Variants in LMBR1L observed in about 807,000 individuals in gnomAD.
LMBR1L encodes the protein protein LMBR1L.
A neutral mutation model predicts 67.3 loss-of-function variants in LMBR1L; 47 were observed. The ratio of observed to expected loss-of-function variants is 0.70; its 90% CI spans 0.55 to 0.89. The LOEUF is 0.89. LMBR1L is among the 40% of genes least tolerant of loss of function. The pLI, the probability that LMBR1L is intolerant of heterozygous loss-of-function variation, is 0.00. For synonymous variants in LMBR1L, 247 were observed against 250.3 expected, an observed-to-expected ratio of 0.99 and a Z score of 0.13; for missense variants, 533 against 599.2, an observed-to-expected ratio of 0.89 and a Z score of 1.15.
chr12:49,105,433 A>C (rs1940772523), intron 3 of LMBR1L, among the ~76,000 whole-genome samples: 1 of 152,320 alleles, frequency 6.6e-6, no homozygotes, highest in East Asian at 1.9e-4. Flanking sequence ...TGGTCCATCA[A>C]GGGTGGAGGG....
intron 5 of LMBR1L, chr12:49,104,019 C>CT: frequency 1.8e-6 from 1 of 558,190 alleles, no homozygotes; most frequent in Non-Finnish European, 3.1e-6. Context: ...TTTGCATCTC[C>CT]TTTCCCCAGA....
chr12:49,110,452 C>T (rs1941419155), intron 1 of LMBR1L, 32 bp downstream of exon 1: 1 of 1,608,632 alleles, frequency 6.2e-7, no homozygotes. Flanking sequence ...TCCCGCAACC[C>T]CCGCTTCTCC....
chr12:49,108,021 T>A (rs893930664), intron 1 of LMBR1L, among the ~76,000 whole-genome samples: 1 of 152,056 alleles, frequency 6.6e-6, no homozygotes, highest in Non-Finnish European at 1.5e-5. Context: ...TCTCAGCACT[T>A]TGGGAGGCCA....
chr12:49,108,650 C>T (rs1565602187), intron 1 of LMBR1L, among the ~76,000 whole-genome samples: 1 of 150,542 alleles, frequency 6.6e-6, no homozygotes, highest in Non-Finnish European at 1.5e-5. Flanking sequence ...ACAAGAATCA[C>T]TAGAACCTGG....
At chr12:49,103,615 A>G (rs1408052152) in intron 6 of LMBR1L, 72 bp downstream of exon 6, 1 of 1,534,616 alleles carries the variant, frequency 6.5e-7, no homozygotes, top group East Asian at 2.3e-5. Flanking sequence ...TTAGAAGGTT[A>G]CAGTCATTCC....
intron 13 of LMBR1L, chr12:49,100,913 G>C: frequency 1.8e-6 from 1 of 544,970 alleles, no homozygotes; most frequent in Non-Finnish European, 3.2e-6. Flanking sequence ...ACTTTTTGTA[G>C]AGGCCGGGTT....
rs559217141 is a variant in LMBR1L at position 49,099,792 on chromosome 12, G to A, written c.1240+596C>T. Among the ~76,000 whole-genome samples the A allele has an allele frequency of 6.2e-4, 94 of 152,182 alleles. 1 individual carries two copies. Among genetic ancestry groups the A allele is most frequent in the Non-Finnish European group, 9.9e-4 (67 of 67,992 alleles). On this transcript the variant is annotated intron_variant, in intron 15 of 16. Coordinates refer to ENST00000267102, the MANE Select transcript of LMBR1L (RefSeq NM_018113.4). The stretch of plus-strand genomic sequence containing the variant: ...GATGGGGTTTCTCCATGTTGCTCAG[G>A]CTGGTCTCGAAATCCTGACCTCAGG...
chr12:49,101,080 A>AG (rs1318885385), intron 13 of LMBR1L, 170 bp downstream of exon 13: 32 of 1,343,222 alleles, frequency 2.4e-5, no homozygotes, highest in Non-Finnish European at 2.8e-5. Context: ...CCCTCCTTTC[A>AG]AATTAAGTCT....
chr12:49,102,202 C>T lies in LMBR1L; in HGVS notation c.854-6G>A. ...TGAAGCCTTCCGCCTCTTCTCTGTG[C>T]AGGGATGGGAGGCTGTCAGCAAGCA... On this transcript the variant is annotated splice_region_variant and splice_polypyrimidine_tract_variant and intron_variant, in intron 10 of 16. Coordinates refer to ENST00000267102, the MANE Select transcript of LMBR1L (RefSeq NM_018113.4). The T allele has an allele frequency of 6.2e-7, 1 of 1,614,154 alleles. No individual in the cohort carries two copies. Among genetic ancestry groups the T allele is most frequent in the Non-Finnish European group, 8.5e-7 (1 of 1,180,000 alleles).
At chr12:49,101,370 C>T (rs1940156702) in intron 12 of LMBR1L, 47 bp from the exon 13 acceptor site, 2 of 1,607,020 alleles carry the variant, frequency 1.2e-6, no homozygotes, top group African/African-American at 1.3e-5. Flanking sequence ...ACCATCAGCA[C>T]TACCCGGCAC....
intron 3 of LMBR1L, chr12:49,105,304 G>A (rs1268153961): frequency 2.0e-5 from 4 of 204,940 alleles, no homozygotes; most frequent in Admixed American, 1.0e-4. Context: ...ATCCCATATG[G>A]CTATGCCCTG....
chr12:49,098,096 C>G lies in LMBR1L; in HGVS notation c.1250G>C (p.Arg417Pro). The G allele has an allele frequency of 6.2e-7, 1 of 1,613,328 alleles. No homozygotes were observed. The highest frequency in any genetic ancestry group is 1.1e-5 in the South Asian group (1 of 91,028). Residue 417 changes from arginine (R) to proline (P), a missense_variant, in exon 16 of 17, where the codon CGC (arginine) becomes CCC (proline). Physicochemically the swap from Arg to Pro is moderately radical, Grantham distance 103 (BLOSUM62 -2). Coordinates refer to ENST00000267102, the MANE Select transcript of LMBR1L (RefSeq NM_018113.4). ...TCCAAAGTCACCCAGCAGGTCAAAG[C>G]GAGTGAGCCCTGAAGCACAAAGGCC... ...PVFSRTLGLT[R>P]FDLLGDFGRF...
At chr12:49,105,286 A>G (rs1940751557) in intron 3 of LMBR1L, 1 of 229,200 alleles carries the variant, frequency 4.4e-6, no homozygotes, top group Non-Finnish European at 8.8e-6. Flanking sequence ...CCAGATAAGC[A>G]CAGGGTCATC....
chr12:49,100,242 T>A (rs3741621), intron 15 of LMBR1L, 146 bp downstream of exon 15: 1 of 701,014 alleles, frequency 1.4e-6, no homozygotes, highest in South Asian at 1.7e-5. Context: ...TACAGAGCCT[T>A]GCTTTCCTCA....
In LMBR1L at chr12:49,105,832, G is replaced by A. The variant is rs531841495; in HGVS notation, c.191+92C>T. 1.5e-5 allele frequency: 16 copies of A among 1,062,804 alleles called. No homozygotes were observed. The Admixed American group carries it at 2.6e-4, about 17-fold the overall frequency. 65.8% of individuals were successfully genotyped at this position (1,062,804 alleles called of 1,614,324 possible). ...AACAGAAACTCTCTCTTCACTGTGT[G>A]AGACTTCCCCCTTCTCCCTCCAGCT... is the stretch of plus-strand genomic sequence containing the variant. On this transcript the variant is annotated intron_variant, in intron 3 of 16. Transcript: ENST00000267102.
At chr12:49,099,171 G>C (rs1473445321) in intron 15 of LMBR1L, among the ~76,000 whole-genome samples, 3 of 140,946 alleles carry the variant, frequency 2.1e-5, no homozygotes, top group Admixed American at 7.5e-5. Context: ...CTGTCACCCA[G>C]GCTGGAGTGC....
intron 1 of LMBR1L, 196 bp downstream of exon 1, chr12:49,110,288 T>A (rs1941399730): frequency 1.6e-6 from 1 of 609,124 alleles, no homozygotes; most frequent in Admixed American, 2.8e-5. Context: ...GGCCTTTGTT[T>A]ATCGCTCAGG....
intron 13 of LMBR1L, 83 bp from the exon 14 acceptor site, chr12:49,100,729 C>T (rs1344293264): frequency 2.9e-6 from 3 of 1,043,384 alleles, no homozygotes; most frequent in African/African-American, 1.7e-5. Context: ...TCCCAGCCCA[C>T]TTCTTTTTTT....
In LMBR1L at chr12:49,102,482, G is replaced by A. The variant is rs1420024238; in HGVS notation, c.755C>T (p.Thr252Ile). 1.2e-6 allele frequency: 2 copies of A among 1,614,064 alleles called. No homozygotes were observed. Among genetic ancestry groups the A allele is most frequent in the Non-Finnish European group, 1.7e-6 (2 of 1,180,024 alleles). ...YCSAFEEAAL[T>I]RRICNPTSCW... ...CTGCAACTTACTACAGATCCTGCGG[G>A]TCAGGGCTGCCTCCTCAAAGGCTGA... The change falls in exon 9 of 17, where the codon ACC becomes ATC. Residue 252 changes from threonine to isoleucine, a missense_variant. By Grantham distance (89) the Thr-to-Ile change is moderately conservative. Coordinates refer to ENST00000267102, the MANE Select transcript of LMBR1L (RefSeq NM_018113.4).
Sources: allele counts gnomAD v4.1 joint callset (sites outside exome capture counted in the v4.1 genomes callset), GRCh38; gene constraint gnomAD v4.1.1; transcripts MANE v1.5; gene names NCBI Gene and HGNC (gene_info 2026-07-23, HGNC 2026-07-21).